The following RAB37 variants were observed in gnomAD, a reference collection of about 807,000 sequenced individuals.
RAB37 encodes the protein ras-related protein Rab-37.
Under a neutral mutation model 33.1 loss-of-function variants are expected in RAB37, and 29 were observed. The ratio of observed to expected loss-of-function variants is 0.88; its 90% CI spans 0.65 to 1.20. RAB37 has a LOEUF of 1.20. Ranked by LOEUF, RAB37 falls within the 50% of genes most tolerant of loss-of-function variation. The pLI, the probability that RAB37 is intolerant of heterozygous loss-of-function variation, is 0.00. For missense variants in RAB37, 299 were observed against 301.1 expected, an observed-to-expected ratio of 0.99 and a Z score of 0.05; for synonymous variants, 128 against 119.5, an observed-to-expected ratio of 1.07 and a Z score of -0.47.
rs924091754 is a variant in RAB37, at chr17:74,676,283, T to C, written c.72+4625T>C. Reference sequence around the variant, plus strand: ...TCTAAGGAACATCCACATACCAGACTAGCTTCCAGAGGGACGAACAATTCC... The same window carrying C: ...TCTAAGGAACATCCACATACCAGACCAGCTTCCAGAGGGACGAACAATTCC... On this transcript the variant is annotated intron_variant, in intron 1 of 7. Transcript: ENST00000340415. This position sits in a 1 kb window ranked among gnomAD's most constrained non-coding sequence, Gnocchi z 4.1. Among the ~76,000 whole-genome samples the C allele has an allele frequency of 2.6e-5, 4 of 152,098 alleles. No homozygotes were observed. The highest frequency in any genetic ancestry group is 9.7e-5 in the African/African-American group (4 of 41,400).
intron 1 of RAB37, among the ~76,000 whole-genome samples, chr17:74,708,721 C>G (rs558020189): frequency 1.6e-4 from 25 of 152,234 alleles, no homozygotes; most frequent in African/African-American, 2.6e-4. Flanking sequence ...TCGAGACCAT[C>G]CTGGCTAACA....
At chr17:74,698,680 G>A (rs1326778577) in intron 1 of RAB37, 2 of 1,353,178 alleles carry the variant, frequency 1.5e-6, no homozygotes, top group Admixed American at 5.8e-5. Context: ...GAAGGGAATG[G>A]AACAAGAGAC....
chr17:74,712,471 C>A (rs2034037434), intron 1 of RAB37, among the ~76,000 whole-genome samples: 2 of 152,332 alleles, frequency 1.3e-5, no homozygotes, highest in African/African-American at 4.8e-5. Context: ...CTCAGAACAC[C>A]TCCACGCAGG....
chr17:74,729,253 C>A lies in RAB37; in HGVS notation c.73-3C>A, dbSNP rs756085405. 8 of 1,611,702 alleles carry A rather than the reference C, an allele frequency of 5.0e-6. No individual in the cohort carries two copies. Among genetic ancestry groups the A allele is most frequent in the Non-Finnish European group, 6.8e-6 (8 of 1,177,938 alleles). On this transcript the variant is annotated splice_polypyrimidine_tract_variant and splice_region_variant and intron_variant, in intron 1 of 7. Coordinates refer to the RAB37 transcript ENST00000340415. This position sits in a 1 kb window ranked among gnomAD's most constrained non-coding sequence, Gnocchi z 4.2. ...CAGCTCTCTCTCTATTGTTCCCTTCCAGACCATCCTGGTGGGTGACAGTGG... is the reference window on the plus strand; with the variant it reads ...CAGCTCTCTCTCTATTGTTCCCTTCAAGACCATCCTGGTGGGTGACAGTGG...
At chr17:74,708,957 G>T (rs1484233194) in intron 1 of RAB37, among the ~76,000 whole-genome samples, 1 of 151,064 alleles carries the variant, frequency 6.6e-6, no homozygotes, top group African/African-American at 2.4e-5. Context: ...AGGCACGGTG[G>T]TTTACACCTG....
intron 1 of RAB37, chr17:74,704,490 T>G (rs1343984489): frequency 6.2e-7 from 1 of 1,612,096 alleles, no homozygotes; most frequent in Admixed American, 1.7e-5. Flanking sequence ...GGGTCAATGG[T>G]CACTTGAACT....
In RAB37 at chr17:74,730,090, C is replaced by G. The variant is rs575981490; in HGVS notation, c.183+724C>G. Among the ~76,000 whole-genome samples, 2 of 152,318 alleles carry G rather than the reference C, an allele frequency of 1.3e-5. No individual in the cohort carries two copies. The highest frequency in any genetic ancestry group is 3.9e-4 in the East Asian group (2 of 5,166). On this transcript the variant is annotated intron_variant, in intron 2 of 7. Transcript: ENST00000340415. The surrounding 1 kb of genome is among the most constrained non-coding windows in gnomAD (Gnocchi z 4.4). The stretch of plus-strand genomic sequence containing the variant: ...CTTTACCACACATCCCATCTCCCCG[C>G]GTTGTCCCGTGCCTGCGGCTGCAGC...
At chr17:74,687,319 G>A (rs1257245250) in intron 1 of RAB37, among the ~76,000 whole-genome samples, 8 of 152,028 alleles carry the variant, frequency 5.3e-5, no homozygotes, top group African/African-American at 1.9e-4. Flanking sequence ...CATCTCCCAG[G>A]TTCAAGCAAT....
chr17:74,725,491 G>A (rs1410832377), intron 1 of RAB37, among the ~76,000 whole-genome samples: 1 of 152,184 alleles, frequency 6.6e-6, no homozygotes, highest in Non-Finnish European at 1.5e-5. Context: ...GCTTCATGGG[G>A]AGGAGCACAG....
At chr17:74,688,256 A>G (rs779976770) in intron 1 of RAB37, among the ~76,000 whole-genome samples, 9 of 152,196 alleles carry the variant, frequency 5.9e-5, no homozygotes, top group Non-Finnish European at 1.2e-4. Context: ...TTCACCTGTA[A>G]ACAAAGGAAT....
At chr17:74,682,319 ACT>A (rs909443664) in intron 1 of RAB37, among the ~76,000 whole-genome samples, 1 of 150,534 alleles carries the variant, frequency 6.6e-6, no homozygotes, top group Non-Finnish European at 1.5e-5. Flanking sequence ...CTTCGGCCTC[ACT>A]CTCTGTCTCT....
intron 1 of RAB37, chr17:74,704,267 C>T: frequency 1.7e-6 from 1 of 575,360 alleles, no homozygotes; most frequent in Non-Finnish European, 3.1e-6. Flanking sequence ...CCTAGAAAGG[C>T]TTAATCCCGT....
chr17:74,695,756 A>G (rs774062854), intron 1 of RAB37: 2 of 1,614,130 alleles, frequency 1.2e-6, no homozygotes, highest in Non-Finnish European at 8.5e-7. Flanking sequence ...CACCTGGTCA[A>G]CCTGGGCAGA....
Position 74,691,908 on chromosome 17 carries a change from C to T in RAB37, c.72+20250C>T, listed in dbSNP as rs202186728. Among the ~76,000 whole-genome samples, 162 of 151,334 alleles carry T rather than the reference C, an allele frequency of 1.1e-3. 2 individuals are homozygous for T. The East Asian group carries it at 0.029, about 27-fold the overall frequency. On this transcript the variant is annotated intron_variant, in intron 1 of 7. Transcript: ENST00000340415. Reference sequence around the variant, plus strand: ...TGAGACGGAGTCTTGCTCTGTCACCCAGGCTGGAGTGCAGTGGCGCGATCT... The same window carrying T: ...TGAGACGGAGTCTTGCTCTGTCACCTAGGCTGGAGTGCAGTGGCGCGATCT...
intron 1 of RAB37, chr17:74,698,718 G>A: frequency 1.0e-6 from 1 of 1,002,468 alleles, no homozygotes; most frequent in Admixed American, 3.1e-5. Flanking sequence ...GATGGAGGGT[G>A]GGAGGAAGCA....
Position 74,683,098 on chromosome 17 carries a change from T to C in RAB37, c.72+11440T>C, listed in dbSNP as rs115825603. Among the ~76,000 whole-genome samples, 728 of 152,354 alleles carry C rather than the reference T, an allele frequency of 4.8e-3. 4 individuals carry two copies. Among genetic ancestry groups the C allele is most frequent in the African/African-American group, 0.016 (685 of 41,592 alleles). On this transcript the variant is annotated intron_variant, in intron 1 of 7. Coordinates refer to the RAB37 transcript ENST00000340415. ...TCACAGTCCCACCTGAACTGGCCTC[T>C]TGGTGCCTCACACATAGTGTCATTT...
intron 1 of RAB37, among the ~76,000 whole-genome samples, chr17:74,720,535 G>C (rs2034225336): frequency 6.6e-6 from 1 of 152,100 alleles, no homozygotes; most frequent in Non-Finnish European, 1.5e-5. Flanking sequence ...AGGTTGCAGT[G>C]AGCCAAGATC....
Position 74,742,336 on chromosome 17 carries a change from C to T in RAB37, c.246+41C>T, listed in dbSNP as rs756033377. 1.3e-6 allele frequency: 2 copies of T among 1,524,026 alleles called. No individual in the cohort carries two copies. The highest frequency in any genetic ancestry group is 1.8e-6 in the Non-Finnish European group (2 of 1,104,210). 94.4% of individuals were successfully genotyped at this position (1,524,026 alleles called of 1,614,324 possible). A position where few individuals can be genotyped will look rare whatever the true frequency, so the allele number is the denominator to read the frequency against. On this transcript the variant is annotated intron_variant, in intron 3 of 8. Transcript: ENST00000392613. This position sits in a 1 kb window ranked among gnomAD's most constrained non-coding sequence, Gnocchi z 4.0. The stretch of plus-strand genomic sequence containing the variant: ...GGAGTTGGGGAGGGAGGATGGAGGA[C>T]CTGCCCTTCCTTCTCACCCTGAACC...
chr17:74,705,872 G>A (rs2033462497), intron 1 of RAB37, among the ~76,000 whole-genome samples: 1 of 152,184 alleles, frequency 6.6e-6, no homozygotes. Context: ...TGGGATTACA[G>A]GCGGGCCCCA....
Sources: gnomAD v4.1 joint callset for allele counts (sites outside exome capture counted in the v4.1 genomes callset) on GRCh38, gnomAD v4.1.1 for gene constraint, Gnocchi (gnomAD v3.1) non-coding constraint, MANE v1.5 for transcripts, NCBI Gene and HGNC (gene_info 2026-07-23, HGNC 2026-07-21) for gene names.